CAPN2: variants seen among roughly 807,000 people sequenced by gnomAD.
CAPN2 encodes calpain 2, also known as calpain-2 catalytic subunit.
A neutral mutation model predicts 102.3 loss-of-function variants in CAPN2; 92 were observed. The ratio of observed to expected loss-of-function variants is 0.90; its 90% CI spans 0.76 to 1.07. CAPN2 has a LOEUF of 1.07. Among genes scored for constraint, CAPN2 ranks in the 50% least tolerant of loss-of-function variants. The pLI is 0.00. For synonymous variants in CAPN2, 340 were observed against 355.4 expected, an observed-to-expected ratio of 0.96 and a Z score of 0.49; for missense variants, 800 against 909.4, an observed-to-expected ratio of 0.88 and a Z score of 1.55.
rs970040256 is a variant in CAPN2, at chr1:223,759,904, G to A, written c.1529+423G>A. ...GGTGTAAGGTGGGAACCATCTCAAC[G>A]GTTCCCACCTCCAGAACCTCTCCCT... On this transcript the variant is annotated intron_variant, in intron 12 of 20. Transcript: ENST00000295006. This position sits in a 1 kb window ranked among gnomAD's most constrained non-coding sequence, Gnocchi z 4.6. 2.0e-5 allele frequency among the ~76,000 whole-genome samples: 3 copies of A among 151,708 alleles called. No individual in the cohort carries two copies. Among genetic ancestry groups the A allele is most frequent in the Non-Finnish European group, 2.9e-5 (2 of 67,936 alleles).
intron 2 of CAPN2, among the ~76,000 whole-genome samples, chr1:223,735,174 G>A (rs1467698893): frequency 6.6e-6 from 1 of 152,162 alleles, no homozygotes; most frequent in East Asian, 1.9e-4. Flanking sequence ...CACCAGCTTA[G>A]AGAAATTAAG....
upstream of CAPN2, among the ~76,000 whole-genome samples, chr1:223,709,674 G>C (rs115312007): frequency 0.11 from 15,600 of 141,706 alleles, 1,004 homozygotes; most frequent in South Asian, 0.16. Context: ...AAAAAAAAAA[G>C]AGTCCATTTA....
chr1:223,775,640 A>ACTT lies in CAPN2; in HGVS notation c.*784_*786dup, dbSNP rs1476918293. 2 of 152,630 alleles carry ACTT rather than the reference A, an allele frequency of 1.3e-5. No individual in the cohort carries two copies. Among genetic ancestry groups the ACTT allele is most frequent in the Non-Finnish European group, 1.5e-5 (1 of 68,038 alleles). The allele number at this position is 152,630 out of a possible 1,614,324, so 9.5% of individuals were successfully genotyped here. On this transcript the variant is annotated 3_prime_UTR_variant, in exon 21 of 21. Transcript: ENST00000295006. ...AAAATAAGCTGTTTGCCACCTCAAAACTTTATGAACTTCACCACCACTAGT... is the reference window on the plus strand; with the variant it reads ...AAAATAAGCTGTTTGCCACCTCAAAACTTCTTTATGAACTTCACCACCACTAGT...
intron 2 of CAPN2, among the ~76,000 whole-genome samples, chr1:223,743,685 C>A (rs1424334837): frequency 6.6e-6 from 1 of 152,052 alleles, no homozygotes; most frequent in Non-Finnish European, 1.5e-5. Context: ...CCATTCAAAG[C>A]CTGTGTGCTC....
rs761160656 is a variant in CAPN2, at chr1:223,759,489, G to A, written c.1529+8G>A. The A allele has an allele frequency of 2.5e-6, 4 of 1,612,834 alleles. No homozygotes were observed. Among genetic ancestry groups the A allele is most frequent in the South Asian group, 1.1e-5 (1 of 91,050 alleles). ...AAAGAAAGCTGACTACCAGTAGGCG[G>A]TTTGGTCCCTTCCTCTCCCCACCCT... On this transcript the variant is annotated splice_region_variant and intron_variant, in intron 12 of 20. Transcript: ENST00000295006. This position sits in a 1 kb window ranked among gnomAD's most constrained non-coding sequence, Gnocchi z 4.6.
intron 2 of CAPN2, among the ~76,000 whole-genome samples, chr1:223,743,828 A>G (rs1225257682): frequency 2.0e-5 from 3 of 152,220 alleles, no homozygotes; most frequent in Admixed American, 6.5e-5. Flanking sequence ...GAAATTTCCC[A>G]TCTCTGCCCA....
chr1:223,713,873 C>A (rs1207657260), intron 1 of CAPN2, among the ~76,000 whole-genome samples: 1 of 152,230 alleles, frequency 6.6e-6, no homozygotes, highest in African/African-American at 2.4e-5. Context: ...TGACCTTGAA[C>A]GAGCCATTTA....
chr1:223,752,626 G>A (rs142012940), intron 8 of CAPN2, among the ~76,000 whole-genome samples, 170 bp from the exon 9 acceptor site: 6 of 152,298 alleles, frequency 3.9e-5, no homozygotes, highest in East Asian at 3.9e-4. Flanking sequence ...AAGTTGCAGC[G>A]CCAGGACTGG....
chr1:223,766,611 G>A (rs1163284777), intron 16 of CAPN2, among the ~76,000 whole-genome samples, 180 bp downstream of exon 16: 1 of 152,172 alleles, frequency 6.6e-6, no homozygotes, highest in Non-Finnish European at 1.5e-5. Flanking sequence ...AGAACCCTCT[G>A]ATGAGGGAAA....
chr1:223,716,252 G>C (rs1659871529), intron 1 of CAPN2, among the ~76,000 whole-genome samples: 1 of 152,234 alleles, frequency 6.6e-6, no homozygotes, highest in South Asian at 2.1e-4. Flanking sequence ...GGCTGCTAAA[G>C]GCATTAGAAA....
intron 2 of CAPN2, among the ~76,000 whole-genome samples, chr1:223,741,435 A>ATATATATATATATATATATAT (rs1382515776): frequency 1.5e-4 from 6 of 40,580 alleles, no homozygotes; most frequent in African/African-American, 7.8e-4. Context: ...ATATATATAT[A>ATATATATATATATATATATAT]ATGTGTATAT....
intron 5 of CAPN2, 58 bp downstream of exon 5, chr1:223,747,223 C>T: frequency 6.7e-7 from 1 of 1,500,466 alleles, no homozygotes; most frequent in Admixed American, 1.9e-5. Context: ...AAGGGAGGCT[C>T]CCACAGTGCC....
intron 20 of CAPN2, among the ~76,000 whole-genome samples, chr1:223,774,548 AG>A (rs1426184170): frequency 6.6e-6 from 1 of 152,250 alleles, no homozygotes; most frequent in Non-Finnish European, 1.5e-5. Flanking sequence ...ACTCTGAGGC[AG>A]AGATGTGAAA....
chr1:223,702,583 C>T (rs1007642618), intron 1 of CAPN2, among the ~76,000 whole-genome samples: 5 of 152,140 alleles, frequency 3.3e-5, no homozygotes, highest in Non-Finnish European at 1.5e-5. Context: ...TAAAAAATTA[C>T]TATCTCTAAG....
At chr1:223,702,908 C>T (rs1659519325) in intron 1 of CAPN2, among the ~76,000 whole-genome samples, 1 of 152,062 alleles carries the variant, frequency 6.6e-6, no homozygotes, top group Admixed American at 6.5e-5. Flanking sequence ...AGGAGGGGTC[C>T]ATGGAAGCAG....
intron 9 of CAPN2, 34 bp downstream of exon 9, chr1:223,752,990 G>T: frequency 6.2e-7 from 1 of 1,607,610 alleles, no homozygotes; most frequent in Non-Finnish European, 8.5e-7. Context: ...CTGTTGCAAT[G>T]CGGGGCCACC....
chr1:223,734,294 T>C (rs1330676079), intron 2 of CAPN2, among the ~76,000 whole-genome samples: 1 of 152,144 alleles, frequency 6.6e-6, no homozygotes, highest in Non-Finnish European at 1.5e-5. Context: ...TGTACTTTCT[T>C]TTTTTAAAAA....
intron 1 of CAPN2, among the ~76,000 whole-genome samples, chr1:223,704,830 C>T (rs533220059): frequency 3.3e-5 from 5 of 152,326 alleles, no homozygotes; most frequent in Non-Finnish European, 4.4e-5. Flanking sequence ...CACAGAAACA[C>T]ATCTAGACTG....
At chr1:223,732,743 C>A (rs140084787) in intron 2 of CAPN2, among the ~76,000 whole-genome samples, 1 of 152,186 alleles carries the variant, frequency 6.6e-6, no homozygotes, top group South Asian at 2.1e-4. Context: ...CTAGTTCACA[C>A]GCCTCTGACA....
Sources: gnomAD v4.1 joint callset for allele counts (sites outside exome capture counted in the v4.1 genomes callset) on GRCh38, gnomAD v4.1.1 for gene constraint, Gnocchi (gnomAD v3.1) non-coding constraint, MANE v1.5 for transcripts, NCBI Gene and HGNC (gene_info 2026-07-23, HGNC 2026-07-21) for gene names.